WWOX: variants seen among roughly 807,000 people sequenced by gnomAD.
WWOX encodes the protein WW domain containing oxidoreductase.
In WWOX, 69 loss-of-function variants were observed where a neutral mutation model predicts 46.2. That is an observed-to-expected ratio of 1.49 (90% CI 1.23 to 1.82). The LOEUF is 1.82. Among genes scored for constraint, WWOX ranks in the 40% most tolerant of loss-of-function variants. The pLI, the probability that WWOX is intolerant of heterozygous loss-of-function variation, is 0.00. For missense variants in WWOX, 919 were observed against 542.6 expected, an observed-to-expected ratio of 1.69 and a Z score of -6.89; for synonymous variants, 359 against 202.6, an observed-to-expected ratio of 1.77 and a Z score of -6.56.
At chr16:78,850,163 A>AGTGT (rs1031014691) in intron 8 of WWOX, among the ~76,000 whole-genome samples, 2 of 151,710 alleles carry the variant, frequency 1.3e-5, no homozygotes, top group African/African-American at 4.8e-5. Context: ...AGTGTGTGTG[A>AGTGT]GTGTGTGTGT....
chr16:78,900,059 T>A (rs950321184), intron 8 of WWOX, among the ~76,000 whole-genome samples: 1 of 78,784 alleles, frequency 1.3e-5, no homozygotes, highest in Non-Finnish European at 2.5e-5. Flanking sequence ...CCTCCTGACT[T>A]TTTTTTTTTT....
At chr16:78,394,727 G>C (rs2082247582) in intron 6 of WWOX, among the ~76,000 whole-genome samples, 1 of 152,170 alleles carries the variant, frequency 6.6e-6, no homozygotes, top group Admixed American at 6.5e-5. Context: ...GCCATAGATA[G>C]TATGGAAATG....
intron 8 of WWOX, among the ~76,000 whole-genome samples, chr16:79,155,728 C>T (rs184469903): frequency 2.6e-5 from 4 of 152,204 alleles, no homozygotes; most frequent in African/African-American, 7.2e-5. Flanking sequence ...TAAGAAGCTC[C>T]TAACAGGCTG....
intron 8 of WWOX, among the ~76,000 whole-genome samples, chr16:79,159,296 C>A (rs576798028): frequency 6.6e-6 from 1 of 152,346 alleles, no homozygotes; most frequent in East Asian, 1.9e-4. Flanking sequence ...TGATTTCCAA[C>A]ACAGCTAAAT....
chr16:78,568,515 A>C (rs55839719), intron 8 of WWOX, among the ~76,000 whole-genome samples: 10,516 of 134,668 alleles, frequency 0.078, 470 homozygotes, highest in South Asian at 0.12. Context: ...GCACTCTTTC[A>C]CCCAGGCTGG....
chr16:79,100,656 G>A (rs1449397459), intron 8 of WWOX, among the ~76,000 whole-genome samples: 1 of 152,108 alleles, frequency 6.6e-6, no homozygotes, highest in Non-Finnish European at 1.5e-5. Context: ...TGCATGTTCT[G>A]ACAGTTTAAT....
chr16:78,422,864 C>T lies in WWOX; in HGVS notation c.606-2006C>T, dbSNP rs1413590392. ...ACATATACACACACACACACACACA[C>T]ACACACACACACACACACACATATA... is the stretch of plus-strand genomic sequence containing the variant. On this transcript the variant is annotated intron_variant, in intron 6 of 8. Transcript: ENST00000566780. 7.0e-5 allele frequency among the ~76,000 whole-genome samples: 10 copies of T among 142,206 alleles called. 1 individual carries two copies. The highest frequency in any genetic ancestry group is 2.8e-4 in the African/African-American group (10 of 35,210). The allele number at this position is 142,206 out of a possible 152,430, so 93.3% of individuals were successfully genotyped here.
chr16:79,043,580 A>G (rs892125888), intron 8 of WWOX, among the ~76,000 whole-genome samples: 1 of 152,184 alleles, frequency 6.6e-6, no homozygotes, highest in South Asian at 2.1e-4. Context: ...CCAAATTTCC[A>G]TCCTGCATTA....
At chr16:78,492,297 T>A (rs2084804192) in intron 8 of WWOX, among the ~76,000 whole-genome samples, 1 of 151,836 alleles carries the variant, frequency 6.6e-6, no homozygotes, top group African/African-American at 2.4e-5. Context: ...GTGCAAACTG[T>A]ATAATTTTTT....
chr16:78,585,244 G>C (rs2045167059), intron 8 of WWOX, among the ~76,000 whole-genome samples: 1 of 152,228 alleles, frequency 6.6e-6, no homozygotes. Context: ...AACTCAGGCT[G>C]AATGTTGATC....
intron 8 of WWOX, among the ~76,000 whole-genome samples, chr16:78,577,166 C>G (rs1261888875): frequency 6.6e-6 from 1 of 152,192 alleles, no homozygotes; most frequent in East Asian, 1.9e-4. Flanking sequence ...CACATCCCAT[C>G]ACTTTGATTG....
At chr16:78,893,481 C>A (rs113169665) in intron 8 of WWOX, among the ~76,000 whole-genome samples, 1 of 152,172 alleles carries the variant, frequency 6.6e-6, no homozygotes, top group African/African-American at 2.4e-5. Flanking sequence ...CAGGCTAGAA[C>A]AAGTGCCTGA....
At chr16:78,535,499 C>G (rs150736812) in intron 8 of WWOX, 1 of 152,164 alleles carries the variant, frequency 6.6e-6, no homozygotes, top group Non-Finnish European at 1.5e-5. Context: ...CCTTCCCCCT[C>G]CCATTACCTT....
intron 8 of WWOX, among the ~76,000 whole-genome samples, chr16:78,773,094 C>G (rs562075471): frequency 6.6e-6 from 1 of 152,182 alleles, no homozygotes. Context: ...AGGTAACTTG[C>G]TCAGTGGCTA....
At chr16:79,045,780 C>CTTTCTTT (rs2048053509) in intron 8 of WWOX, among the ~76,000 whole-genome samples, 5 of 54,226 alleles carry the variant, frequency 9.2e-5, no homozygotes, top group African/African-American at 2.7e-4. Flanking sequence ...TTTTCTTTTC[C>CTTTCTTT]TTTTTTTTTT....
intron 5 of WWOX, among the ~76,000 whole-genome samples, chr16:78,265,477 G>A (rs573101754): frequency 5.3e-5 from 8 of 151,724 alleles, no homozygotes; most frequent in Middle Eastern, 3.2e-3. Flanking sequence ...TCAGGAGTTC[G>A]AGACCAGCCT....
At chr16:78,313,652 C>A (rs543504025) in intron 5 of WWOX, among the ~76,000 whole-genome samples, 4 of 152,300 alleles carry the variant, frequency 2.6e-5, no homozygotes, top group African/African-American at 7.2e-5. Flanking sequence ...GGGCATGAGC[C>A]ACTGCGTCAG....
intron 8 of WWOX, among the ~76,000 whole-genome samples, chr16:78,903,096 C>T (rs1235864771): frequency 6.6e-6 from 1 of 152,198 alleles, no homozygotes; most frequent in Non-Finnish European, 1.5e-5. Flanking sequence ...CAAAACTACA[C>T]TCCATAGAGT....
intron 8 of WWOX, among the ~76,000 whole-genome samples, chr16:78,596,747 C>A (rs114203334): frequency 1.1e-3 from 170 of 152,138 alleles, no homozygotes; most frequent in African/African-American, 4.0e-3. Context: ...ATTAAGTGAA[C>A]GAAGGGTGCA....
Sources: allele counts gnomAD v4.1 joint callset (sites outside exome capture counted in the v4.1 genomes callset), GRCh38; gene constraint gnomAD v4.1.1; transcripts MANE v1.5; gene names NCBI Gene and HGNC (gene_info 2026-07-23, HGNC 2026-07-21).